Variants in CCDC110 observed in about 807,000 individuals in gnomAD.
CCDC110 encodes the protein coiled-coil domain-containing protein 110.
Under a neutral mutation model 77.1 loss-of-function variants are expected in CCDC110, and 70 were observed. The observed-to-expected ratio is 0.91, with a 90% CI of 0.75 to 1.11. CCDC110 has a LOEUF of 1.11. CCDC110 is among the 50% of genes least tolerant of loss of function. CCDC110 has a pLI of 0.00. For missense variants in CCDC110, 868 were observed against 942.9 expected (o/e 0.92, Z 1.04); for synonymous variants, 295 against 312.5 (o/e 0.94, Z 0.59).
Position 185,458,423 on chromosome 4 carries a change from GTTC to G in CCDC110, c.2161_2163del (p.Glu721del), listed in dbSNP as rs1561158285. On this transcript the variant is annotated inframe_deletion, in exon 6 of 7. Coordinates refer to ENST00000307588, the MANE Select transcript of CCDC110 (RefSeq NM_152775.4). The stretch of plus-strand genomic sequence containing the variant: ...ATATTTTCTTGACTATGTTTCTTTA[GTTC>G]TTCTTTTAGAATCTGATTATCTGTT... 4 of 1,596,306 alleles carry G rather than the reference GTTC, an allele frequency of 2.5e-6. No individual in the cohort carries two copies. The highest frequency in any genetic ancestry group is 2.7e-5 in the African/African-American group (2 of 74,076).
At chr4:185,448,090 G>T (rs573999491) in intron 6 of CCDC110, among the ~76,000 whole-genome samples, 1 of 151,454 alleles carries the variant, frequency 6.6e-6, no homozygotes, top group Non-Finnish European at 1.5e-5. Flanking sequence ...GTGTGATCTC[G>T]GCTCACTGCA....
intron 6 of CCDC110, among the ~76,000 whole-genome samples, chr4:185,455,288 T>G (rs1167444548): frequency 6.6e-6 from 1 of 152,248 alleles, no homozygotes; most frequent in Non-Finnish European, 1.5e-5. Context: ...AGTTATTTTC[T>G]TAATACTTTA....
Position 185,459,044 on chromosome 4 carries a change from A to AT in CCDC110, c.1542dup (p.Tyr515IlefsTer2). ...TTATTTTGGCCTTGCAGAACATTAT[A>AT]TTTACTAATTATTTTTTTAAATTCT... On this transcript the variant is annotated frameshift_variant, in exon 6 of 7. Coordinates refer to ENST00000307588, the MANE Select transcript of CCDC110 (RefSeq NM_152775.4). LOFTEE classifies it high-confidence loss of function. The AT allele has an allele frequency of 6.4e-7, 1 of 1,570,642 alleles. No homozygotes were observed. Among genetic ancestry groups the AT allele is most frequent in the Middle Eastern group, 1.8e-4 (1 of 5,568 alleles).
At position 185,471,470 on chromosome 4, in the gene CCDC110, C is replaced by G. The variant is rs1392165669; in HGVS notation, c.10+204G>C. ...CTGGGCGGGCGGCGGCGGCAGACCA[C>G]GTAGCCAGCCTGTAAGCCACAGCGG... On this transcript the variant is annotated intron_variant, in intron 1 of 6. Transcript: ENST00000307588. 5.8e-6 allele frequency: 3 copies of G among 521,078 alleles called. No homozygotes were observed. In the African/African-American group the frequency reaches 6.1e-5, roughly 11 times the overall value. The allele number at this position is 521,078 out of a possible 1,614,324, so 32.3% of individuals were successfully genotyped here.
At chr4:185,452,963 T>C (rs2095631286) in intron 6 of CCDC110, among the ~76,000 whole-genome samples, 2 of 151,730 alleles carry the variant, frequency 1.3e-5, no homozygotes, top group African/African-American at 4.8e-5. Flanking sequence ...GCAAAATTAA[T>C]TTCTTAAGAC....
chr4:185,458,621 G>T lies in CCDC110; in HGVS notation c.1966C>A (p.Gln656Lys). 1 of 1,608,166 alleles carries T rather than the reference G, an allele frequency of 6.2e-7. No individual in the cohort carries two copies. The highest frequency in any genetic ancestry group is 2.2e-5 in the East Asian group (1 of 44,714). The change falls in exon 6 of 7, where the codon CAA becomes AAA. Residue 656 changes from glutamine (Q) to lysine (K), a missense_variant. Gln to Lys is a moderately conservative substitution (Grantham distance 53). Transcript: ENST00000307588. Reference sequence around the variant, plus strand: ...TTCTCAATTTCTCTTTCCATAATTTGTCTGGCAGCAGTAGATTCTTGTAAT... The same window carrying T: ...TTCTCAATTTCTCTTTCCATAATTTTTCTGGCAGCAGTAGATTCTTGTAAT... ...TTLQESTAARQIMEREIENIQ... is the reference protein window; with the variant it reads ...TTLQESTAARKIMEREIENIQ...
At chr4:185,462,451 T>G (rs770725972) in intron 4 of CCDC110, among the ~76,000 whole-genome samples, 192 bp downstream of exon 4, 11 of 152,162 alleles carry the variant, frequency 7.2e-5, no homozygotes, top group Non-Finnish European at 1.5e-4. Flanking sequence ...TCTTTGGGCT[T>G]GTTTCCAAAT....
In CCDC110 at chr4:185,470,993, T is replaced by G; in HGVS notation, c.67A>C (p.Ile23Leu). ...TTCACCCCCTCCGAAGAATTTAGGA[T>G]CTTGGACGCTGAAAGGAGAACGGAG... ...VDSVLLSASK[I>L]LNSSEGVKES... The change falls in exon 2 of 7, where the codon ATC becomes CTC. Residue 23 changes from isoleucine (I) to leucine (L), a missense_variant. Transcript: ENST00000307588. 2 of 1,608,500 alleles carry G rather than the reference T, an allele frequency of 1.2e-6. No individual in the cohort carries two copies. The highest frequency in any genetic ancestry group is 1.7e-6 in the Non-Finnish European group (2 of 1,178,850).
chr4:185,448,132 T>C (rs542876867), intron 6 of CCDC110, among the ~76,000 whole-genome samples: 1 of 152,260 alleles, frequency 6.6e-6, no homozygotes, highest in South Asian at 2.1e-4. Context: ...GCAACTCTCC[T>C]GTCTCAGCCT....
At chr4:185,453,051 G>A (rs1193743443) in intron 6 of CCDC110, among the ~76,000 whole-genome samples, 1 of 152,028 alleles carries the variant, frequency 6.6e-6, no homozygotes, top group Non-Finnish European at 1.5e-5. Context: ...TTTATAAGCT[G>A]TAAAATAAAT....
chr4:185,448,108 C>T (rs1362334745), intron 6 of CCDC110, among the ~76,000 whole-genome samples: 1 of 151,502 alleles, frequency 6.6e-6, no homozygotes, highest in Non-Finnish European at 1.5e-5. Flanking sequence ...GCAACCTCTG[C>T]CTCCCAGGTT....
At position 185,458,442 on chromosome 4, in the gene CCDC110, A is replaced by T; in HGVS notation, c.2145T>A (p.Asn715Lys). The T allele has an allele frequency of 6.3e-7, 1 of 1,598,862 alleles. No individual in the cohort carries two copies. Among genetic ancestry groups the T allele is most frequent in the Non-Finnish European group, 8.5e-7 (1 of 1,174,794 alleles). Residue 715 changes from asparagine to lysine, a missense_variant, in exon 6 of 7, where the codon AAT (asparagine) becomes AAA (lysine). Coordinates refer to ENST00000307588, the MANE Select transcript of CCDC110 (RefSeq NM_152775.4). ...SKMVMETKTD[N>K]QILKEELKKH... Reference sequence around the variant, plus strand: ...TCTTTAGTTCTTCTTTTAGAATCTGATTATCTGTTTTGGTTTCCATTACCA... The same window carrying T: ...TCTTTAGTTCTTCTTTTAGAATCTGTTTATCTGTTTTGGTTTCCATTACCA...
intron 6 of CCDC110, 39 bp from the exon 7 acceptor site, chr4:185,445,581 C>A: frequency 8.0e-7 from 1 of 1,249,210 alleles, no homozygotes; most frequent in Non-Finnish European, 1.2e-6. Context: ...TTAAAAATGC[C>A]AACATAACTA....
chr4:185,448,137 C>T (rs1211053899), intron 6 of CCDC110, among the ~76,000 whole-genome samples: 1 of 152,140 alleles, frequency 6.6e-6, no homozygotes, highest in Non-Finnish European at 1.5e-5. Context: ...TCTCCTGTCT[C>T]AGCCTCCCAA....
intron 6 of CCDC110, among the ~76,000 whole-genome samples, chr4:185,454,065 G>A (rs893588541): frequency 1.3e-5 from 2 of 152,072 alleles, no homozygotes; most frequent in East Asian, 2.0e-4. Flanking sequence ...TAATCCACCC[G>A]CCTCGGCCTC....
intron 6 of CCDC110, among the ~76,000 whole-genome samples, chr4:185,450,186 G>C (rs538283385): frequency 1.3e-5 from 2 of 152,284 alleles, no homozygotes; most frequent in Admixed American, 1.3e-4. Flanking sequence ...AACATGCCCT[G>C]TATTTGTGAC....
rs1375948180 is a variant in CCDC110, at chr4:185,445,473, A to AG, written c.*28dup. 6.6e-7 allele frequency: 1 copy of AG among 1,511,612 alleles called. No individual in the cohort carries two copies. The highest frequency in any genetic ancestry group is 9.1e-7 in the Non-Finnish European group (1 of 1,096,628). The allele number at this position is 1,511,612 out of a possible 1,614,324, so 93.6% of individuals were successfully genotyped here. A position where few individuals can be genotyped will look rare whatever the true frequency, so the allele number is the denominator to read the frequency against. On this transcript the variant is annotated 3_prime_UTR_variant, in exon 7 of 7. Coordinates refer to ENST00000307588, the MANE Select transcript of CCDC110 (RefSeq NM_152775.4). ...ACAATTAACATTGGCTATTTCTCGA[A>AG]GGGAGTTTCTTAGCAATCTTGAGGA... is the stretch of plus-strand genomic sequence containing the variant.
chr4:185,459,104 T>C lies in CCDC110; in HGVS notation c.1483A>G (p.Ser495Gly), dbSNP rs763117825. The change falls in exon 6 of 7, where the codon AGT (serine) becomes GGT (glycine). Residue 495 changes from serine to glycine, a missense_variant. Ser to Gly is a moderately conservative substitution (Grantham distance 56, BLOSUM62 0). Coordinates refer to ENST00000307588, the MANE Select transcript of CCDC110 (RefSeq NM_152775.4). ...TCTTTGCTGTATTCTTCTGTTTTAC[T>C]TAACTTAGACTGAATAGTACTCTTT... ...EEKSTIQSKL[S>G]KTEEYSKECL... 2 of 1,590,366 alleles carry C rather than the reference T, an allele frequency of 1.3e-6. No homozygotes were observed. Among genetic ancestry groups the C allele is most frequent in the Non-Finnish European group, 8.6e-7 (1 of 1,165,746 alleles).
intron 6 of CCDC110, among the ~76,000 whole-genome samples, chr4:185,449,417 C>T (rs896718468): frequency 4.6e-5 from 7 of 151,614 alleles, no homozygotes; most frequent in East Asian, 1.9e-4. Flanking sequence ...GCTACTTGGG[C>T]GGCCGAGGCA....
Sources: allele counts gnomAD v4.1 joint callset (sites outside exome capture counted in the v4.1 genomes callset), GRCh38; gene constraint gnomAD v4.1.1; transcripts MANE v1.5; gene names NCBI Gene and HGNC (gene_info 2026-07-23, HGNC 2026-07-21).